ANKRD36: variants seen among roughly 807,000 people sequenced by gnomAD.
ANKRD36 encodes ankyrin repeat domain 36.
In ANKRD36, 179 loss-of-function variants were observed where a neutral mutation model predicts 278.1. That is an observed-to-expected ratio of 0.64 (90% confidence interval 0.57 to 0.73). The LOEUF is 0.73. Ranked by LOEUF, ANKRD36 falls within the 30% of genes least tolerant of loss-of-function variation. ANKRD36 has a pLI of 0.00. For synonymous variants in ANKRD36, 320 were observed against 641.1 expected (o/e 0.50, Z 7.57); for missense variants, 1,159 against 1,956.7 (o/e 0.59, Z 7.69).
chr2:97,187,328 G>C lies in ANKRD36; in HGVS notation c.2071-1G>C, dbSNP rs759044702. 2.2e-5 allele frequency: 36 copies of C among 1,606,388 alleles called. No homozygotes were observed. The highest frequency in any genetic ancestry group is 2.9e-5 in the Non-Finnish European group (34 of 1,176,874). On this transcript the variant is annotated splice_acceptor_variant, in intron 31 of 75. Transcript: ENST00000420699. LOFTEE classifies it high-confidence loss of function. Reference sequence around the variant, plus strand: ...ATTATTTTCTTTCAAATTCCATTCAGGCTACAACTGACGAGGAAGACTCTG... The same window carrying C: ...ATTATTTTCTTTCAAATTCCATTCACGCTACAACTGACGAGGAAGACTCTG...
At chr2:97,150,893 CCT>C (rs1272983466) in intron 12 of ANKRD36, among the ~76,000 whole-genome samples, 16 of 134,542 alleles carry the variant, frequency 1.2e-4, no homozygotes, top group African/African-American at 3.6e-4. Flanking sequence ...TTTCTTTCCC[CCT>C]CTCTCTCTCT....
At chr2:97,221,654 G>A (rs1319926247) in intron 66 of ANKRD36, among the ~76,000 whole-genome samples, 1 of 150,478 alleles carries the variant, frequency 6.6e-6, no homozygotes, top group Non-Finnish European at 1.5e-5. Context: ...ATTTGTTTGG[G>A]TTCATTGTAG....
intron 18 of ANKRD36, chr2:97,163,726 C>G (rs1575155305): frequency 1.5e-5 from 3 of 200,282 alleles, no homozygotes; most frequent in South Asian, 1.6e-4. Flanking sequence ...CAGGCGCCTG[C>G]CACCACACCC....
intron 54 of ANKRD36, among the ~76,000 whole-genome samples, chr2:97,208,455 G>A (rs2063472691): frequency 6.8e-6 from 1 of 146,462 alleles, no homozygotes; most frequent in African/African-American, 2.7e-5. Flanking sequence ...TTTTCCTAAG[G>A]AAGACGGATT....
intron 6 of ANKRD36, among the ~76,000 whole-genome samples, chr2:97,139,352 A>G (rs1399433380): frequency 1.3e-5 from 2 of 152,036 alleles, no homozygotes; most frequent in Non-Finnish European, 1.5e-5. Flanking sequence ...ACCTCTTACA[A>G]CATATGTGCA....
intron 36 of ANKRD36, among the ~76,000 whole-genome samples, chr2:97,192,590 C>T (rs1301251135): frequency 1.3e-5 from 2 of 151,732 alleles, no homozygotes; most frequent in Non-Finnish European, 2.9e-5. Context: ...GGCATATGGA[C>T]ATTGATATTG....
chr2:97,117,473 A>C (rs1281638334), intron 1 of ANKRD36, among the ~76,000 whole-genome samples: 1 of 152,084 alleles, frequency 6.6e-6, no homozygotes, highest in Admixed American at 6.6e-5. Flanking sequence ...TTATAAATGT[A>C]ATAAACAATT....
chr2:97,218,128 T>C (rs1441111684), intron 64 of ANKRD36, among the ~76,000 whole-genome samples: 4 of 150,530 alleles, frequency 2.7e-5, no homozygotes, highest in Admixed American at 2.0e-4. Context: ...TTAGTTTTTT[T>C]CCAAAGTGCT....
chr2:97,197,457 A>C (rs1462885880), intron 42 of ANKRD36, among the ~76,000 whole-genome samples: 1 of 151,964 alleles, frequency 6.6e-6, no homozygotes, highest in Non-Finnish European at 1.5e-5. Flanking sequence ...TGTTACTGTT[A>C]GACATCAGAG....
At chr2:97,142,736 G>C in intron 7 of ANKRD36, 27 bp from the exon 8 acceptor site, 2 of 1,609,706 alleles carry the variant, frequency 1.2e-6, no homozygotes, top group Non-Finnish European at 1.7e-6. Flanking sequence ...TTTATGTATT[G>C]ATTATTTTGT....
rs1443459393 is a variant in ANKRD36 at position 97,186,339 on chromosome 2, A to T, written c.2041+829A>T. On this transcript the variant is annotated intron_variant, in intron 30 of 75. Coordinates refer to ENST00000420699, the MANE Select transcript of ANKRD36 (RefSeq NM_001354587.1). Reference sequence around the variant, plus strand: ...AATAGTATGATCCTCCTAACAAGACAATTTTAAAAACAAATATAATGTTGA... The same window carrying T: ...AATAGTATGATCCTCCTAACAAGACTATTTTAAAAACAAATATAATGTTGA... Among the ~76,000 whole-genome samples, 14 of 150,802 alleles carry T rather than the reference A, an allele frequency of 9.3e-5. 1 individual carries two copies. Among genetic ancestry groups the T allele is most frequent in the Admixed American group, 4.0e-4 (6 of 15,000 alleles).
chr2:97,196,317 G>A (rs1299215555), intron 40 of ANKRD36, among the ~76,000 whole-genome samples: 1 of 88,340 alleles, frequency 1.1e-5, no homozygotes, highest in Non-Finnish European at 3.9e-5. Context: ...TCATCACTCG[G>A]CCTAAGACAT....
chr2:97,231,996 C>G (rs2072290580), intron 67 of ANKRD36, among the ~76,000 whole-genome samples: 1 of 151,948 alleles, frequency 6.6e-6, no homozygotes, highest in Admixed American at 6.6e-5. Flanking sequence ...ATGAATTATT[C>G]AAGTTTAGTC....
At chr2:97,218,669 G>A (rs1162022538) in intron 64 of ANKRD36, among the ~76,000 whole-genome samples, 2 of 152,098 alleles carry the variant, frequency 1.3e-5, no homozygotes, top group African/African-American at 4.8e-5. Flanking sequence ...GCCTTCTGAT[G>A]TCTTGTATGA....
intron 75 of ANKRD36, among the ~76,000 whole-genome samples, chr2:97,260,608 T>C (rs2076641019): frequency 9.0e-6 from 1 of 111,344 alleles, no homozygotes; most frequent in Admixed American, 1.1e-4. Context: ...GAGTACTGCC[T>C]TTAATGTTTT....
Position 97,179,947 on chromosome 2 carries a change from A to G in ANKRD36, c.1735+14A>G. 1.2e-6 allele frequency: 2 copies of G among 1,604,244 alleles called. No individual in the cohort carries two copies. Among genetic ancestry groups the G allele is most frequent in the Non-Finnish European group, 1.7e-6 (2 of 1,178,088 alleles). On this transcript the variant is annotated intron_variant, in intron 24 of 75. Coordinates refer to ENST00000420699, the MANE Select transcript of ANKRD36 (RefSeq NM_001354587.1). The stretch of plus-strand genomic sequence containing the variant: ...TATCTGGGACAGGTAATTTTGCAAA[A>G]CACATCTAATGTCATGTTCAATCAA...
chr2:97,201,125 T>C lies in ANKRD36; in HGVS notation c.2857+600T>C, dbSNP rs566562461. Reference sequence around the variant, plus strand: ...TGACTTTGGCAGCTCCAGCAACTGCTGGAAGCAGGAAACAGTGTTTGAATT... The same window carrying C: ...TGACTTTGGCAGCTCCAGCAACTGCCGGAAGCAGGAAACAGTGTTTGAATT... On this transcript the variant is annotated intron_variant, in intron 46 of 75. Coordinates refer to ENST00000420699, the MANE Select transcript of ANKRD36 (RefSeq NM_001354587.1). 2.0e-4 allele frequency among the ~76,000 whole-genome samples: 31 copies of C among 152,006 alleles called. 2 individuals are homozygous for C. The highest frequency in any genetic ancestry group is 1.6e-3 in the Admixed American group (24 of 15,234).
chr2:97,226,659 G>C (rs939250255), intron 67 of ANKRD36, among the ~76,000 whole-genome samples: 3 of 151,960 alleles, frequency 2.0e-5, no homozygotes, highest in African/African-American at 7.2e-5. Flanking sequence ...TTTGGCTTTT[G>C]TTGCCATTGC....
intron 6 of ANKRD36, among the ~76,000 whole-genome samples, 179 bp from the exon 7 acceptor site, chr2:97,142,461 G>A (rs56786098): frequency 0.88 from 132,745 of 150,634 alleles, 57,584 homozygotes; most frequent in African/African-American, 0.95. Flanking sequence ...TGAAGCCTGT[G>A]TTGGTGTTTT....
Sources: allele counts gnomAD v4.1 joint callset (sites outside exome capture counted in the v4.1 genomes callset), GRCh38; gene constraint gnomAD v4.1.1; transcripts MANE v1.5; gene names NCBI Gene and HGNC (gene_info 2026-07-23, HGNC 2026-07-21).